Variants in SLC45A1 observed in about 807,000 individuals in gnomAD.
The protein encoded by SLC45A1 is solute carrier family 45 member 1.
In SLC45A1, 28 loss-of-function variants were observed where a neutral mutation model predicts 57.6. That is an observed-to-expected ratio of 0.49 (90% CI 0.36 to 0.67). The LOEUF is 0.67. Among genes scored for constraint, SLC45A1 ranks in the 30% least tolerant of loss-of-function variants. The probability of loss-of-function intolerance (pLI) is 0.00; values close to 1 mark genes in which losing one functional copy is unlikely to be tolerated. For synonymous variants in SLC45A1, 459 were observed against 471.5 expected (o/e 0.97, Z 0.34); for missense variants, 814 against 1,041.5 (o/e 0.78, Z 3.01).
At chr1:8,337,050 C>T (rs1022009361) in intron 6 of SLC45A1, among the ~76,000 whole-genome samples, 9 of 152,152 alleles carry the variant, frequency 5.9e-5, no homozygotes, top group African/African-American at 1.2e-4. Flanking sequence ...TCTGTTCTCA[C>T]GCTGCTAATA....
intron 7 of SLC45A1, among the ~76,000 whole-genome samples, chr1:8,339,178 C>T (rs1000577207): frequency 4.6e-5 from 7 of 152,334 alleles, no homozygotes; most frequent in Admixed American, 3.9e-4. Flanking sequence ...CCCTGAGCCC[C>T]TTTGGTGTCA....
chr1:8,326,938 C>T lies in SLC45A1; in HGVS notation c.715+896C>T, dbSNP rs1264765151. On this transcript the variant is annotated intron_variant, in intron 4 of 8. Coordinates refer to ENST00000471889, the MANE Select transcript of SLC45A1 (RefSeq NM_001080397.3). This position sits in a 1 kb window ranked among gnomAD's most constrained non-coding sequence, Gnocchi z 5.5. The stretch of plus-strand genomic sequence containing the variant: ...GAGGTTGCAGTGAACTGAGATCGCA[C>T]TATTGCACTCCAGCCTGGGCAACAA... Among the ~76,000 whole-genome samples, 2 of 152,228 alleles carry T rather than the reference C, an allele frequency of 1.3e-5. No individual in the cohort carries two copies. The highest frequency in any genetic ancestry group is 2.9e-5 in the Non-Finnish European group (2 of 68,036).
chr1:8,339,509 G>A lies in SLC45A1; in HGVS notation c.1791G>A (p.Leu597=), dbSNP rs778215399. The part of the protein sequence containing the change: ...AAFYSAILEK[L]EEFLSVRTLY... ...GGCCCGCAGCTATCCTGGAGAAGCT[G>A]GAGGAGTTCCTCAGCGTCCGCACCC... The change falls in exon 8 of 9, where the codon CTG becomes CTA. Residue 597 remains leucine (L), a synonymous_variant. Coordinates refer to ENST00000471889, the MANE Select transcript of SLC45A1 (RefSeq NM_001080397.3). 1 of 1,614,180 alleles carries A rather than the reference G, an allele frequency of 6.2e-7. No individual in the cohort carries two copies. Among genetic ancestry groups the A allele is most frequent in the South Asian group, 1.1e-5 (1 of 91,078 alleles).
chr1:8,321,626 T>A (rs1267677432), intron 1 of SLC45A1, among the ~76,000 whole-genome samples: 3 of 152,286 alleles, frequency 2.0e-5, no homozygotes, highest in Admixed American at 1.3e-4. Context: ...AGTACTCAGA[T>A]GAATTGGAGG....
In SLC45A1 at chr1:8,325,306, C is replaced by T. The variant is rs1403769302; in HGVS notation, c.406C>T (p.Leu136=). 1.2e-6 allele frequency: 2 copies of T among 1,613,230 alleles called. No homozygotes were observed. Among genetic ancestry groups the T allele is most frequent in the South Asian group, 2.2e-5 (2 of 91,046 alleles). ...GGCCTGCTCTGTTTCAGGATTCCTACTGCAGCCTCTGTTGGGTGCTTGGAG... is the reference window on the plus strand; with the variant it reads ...GGCCTGCTCTGTTTCAGGATTCCTATTGCAGCCTCTGTTGGGTGCTTGGAG... The part of the protein sequence containing the change: ...WFISPILGFL[L]QPLLGAWSDR... Residue 136 remains leucine, a synonymous_variant, in exon 3 of 9, where the codon CTG becomes TTG. Transcript: ENST00000471889. This position sits in a 1 kb window ranked among gnomAD's most constrained non-coding sequence, Gnocchi z 6.3.
At chr1:8,342,277 A>G (rs1385936710) in intron 8 of SLC45A1, among the ~76,000 whole-genome samples, 1 of 152,196 alleles carries the variant, frequency 6.6e-6, no homozygotes, top group Middle Eastern at 3.2e-3. Context: ...ATAGACTTTT[A>G]CCGGCTGTAT....
At chr1:8,341,427 C>T (rs1435735767) in intron 8 of SLC45A1, among the ~76,000 whole-genome samples, 26 of 149,892 alleles carry the variant, frequency 1.7e-4, no homozygotes, top group Admixed American at 3.3e-4. Context: ...CCCAGCTACA[C>T]GGGAGGCTGA....
In SLC45A1 at chr1:8,330,184, A is replaced by G. The variant is rs1025564135; in HGVS notation, c.716-25A>G. The G allele has an allele frequency of 1.4e-5, 22 of 1,604,606 alleles. No homozygotes were observed. The highest frequency in any genetic ancestry group is 1.8e-5 in the Non-Finnish European group (21 of 1,175,012). ...GGGGCTTCTCCTCCCGCAGAAGGGA[A>G]CTCAAACCCTGTCTCTTTCCCCAGG... On this transcript the variant is annotated intron_variant, in intron 4 of 8. Coordinates refer to ENST00000471889, the MANE Select transcript of SLC45A1 (RefSeq NM_001080397.3). This position sits in a 1 kb window ranked among gnomAD's most constrained non-coding sequence, Gnocchi z 8.4.
Position 8,328,960 on chromosome 1 carries a change from G to A in SLC45A1, c.716-1249G>A, listed in dbSNP as rs1285919441. 6.6e-6 allele frequency among the ~76,000 whole-genome samples: 1 copy of A among 152,150 alleles called. No individual in the cohort carries two copies. The highest frequency in any genetic ancestry group is 1.5e-5 in the Non-Finnish European group (1 of 68,028). ...GAAGGCAATTAGAATCATGAGTGTG[G>A]GAAGTCAAGAATAATAAAATGCCTG... On this transcript the variant is annotated intron_variant, in intron 4 of 8. Coordinates refer to ENST00000471889, the MANE Select transcript of SLC45A1 (RefSeq NM_001080397.3). The surrounding 1 kb of genome is among the most constrained non-coding windows in gnomAD (Gnocchi z 4.6).
rs908563340 is a variant in SLC45A1, at chr1:8,343,857, C to T, written c.2091C>T (p.Pro697=). 1 of 1,614,066 alleles carries T rather than the reference C, an allele frequency of 6.2e-7. No individual in the cohort carries two copies. The highest frequency in any genetic ancestry group is 1.3e-5 in the African/African-American group (1 of 74,920). ...TTCTGGTCTCCCTGGTCCTGGGGCC[C>T]CTGACCTCGGCCGTGGGCAGTGCCA... The part of the protein sequence containing the change: ...AQILVSLVLG[P]LTSAVGSANG... The change falls in exon 9 of 9, where the codon CCC becomes CCT. Residue 697 remains proline (P), a synonymous_variant. Transcript: ENST00000471889. This position sits in a 1 kb window ranked among gnomAD's most constrained non-coding sequence, Gnocchi z 7.7.
In SLC45A1 at chr1:8,339,523, G is replaced by A. The variant is rs368773863; in HGVS notation, c.1805G>A (p.Ser602Asn). 1 of 1,614,218 alleles carries A rather than the reference G, an allele frequency of 6.2e-7. No individual in the cohort carries two copies. Among genetic ancestry groups the A allele is most frequent in the East Asian group, 2.2e-5 (1 of 44,878 alleles). The change falls in exon 8 of 9, where the codon AGC becomes AAC. Residue 602 changes from serine (S) to asparagine (N), a missense_variant. By Grantham distance (46) the Ser-to-Asn change is conservative. Transcript: ENST00000471889. ...CTGGAGAAGCTGGAGGAGTTCCTCA[G>A]CGTCCGCACCCTCTACTTCATCGCC... ...AILEKLEEFL[S>N]VRTLYFIAYL...
chr1:8,329,687 C>G (rs1238606788), intron 4 of SLC45A1, among the ~76,000 whole-genome samples: 2 of 152,206 alleles, frequency 1.3e-5, no homozygotes, highest in African/African-American at 4.8e-5. Flanking sequence ...GCTGATAGCT[C>G]AGAGATCGGA....
At chr1:8,334,127 G>A (rs1330319673) in intron 5 of SLC45A1, among the ~76,000 whole-genome samples, 7 of 152,232 alleles carry the variant, frequency 4.6e-5, no homozygotes, top group African/African-American at 1.7e-4. Context: ...CGGTTGTTTA[G>A]GTGTGGTTGA....
At position 8,326,155 on chromosome 1, in the gene SLC45A1, C is replaced by T. The variant is rs1486271856; in HGVS notation, c.715+113C>T. Reference sequence around the variant, plus strand: ...TTTAACAAAGAAGCTGGGAGAATTCCAATACATGGAGAAACACTGAAGTGA... The same window carrying T: ...TTTAACAAAGAAGCTGGGAGAATTCTAATACATGGAGAAACACTGAAGTGA... On this transcript the variant is annotated intron_variant, in intron 4 of 8. Transcript: ENST00000471889. The surrounding 1 kb of genome is among the most constrained non-coding windows in gnomAD (Gnocchi z 5.5). 2.6e-6 allele frequency: 2 copies of T among 765,006 alleles called. No individual in the cohort carries two copies. Among genetic ancestry groups the T allele is most frequent in the Non-Finnish European group, 4.2e-6 (2 of 472,098 alleles). 47.4% of individuals were successfully genotyped at this position (765,006 alleles called of 1,614,324 possible).
chr1:8,332,737 C>A (rs1198582992), intron 5 of SLC45A1, among the ~76,000 whole-genome samples: 1 of 152,080 alleles, frequency 6.6e-6, no homozygotes, highest in Non-Finnish European at 1.5e-5. Flanking sequence ...TCTCGAACTC[C>A]TGGCCTCAAG....
chr1:8,330,429 G>T lies in SLC45A1; in HGVS notation c.936G>T (p.Pro312=), dbSNP rs750070749. The change falls in exon 5 of 9, where the codon CCG becomes CCT. Residue 312 remains proline (P), a synonymous_variant. Coordinates refer to ENST00000471889, the MANE Select transcript of SLC45A1 (RefSeq NM_001080397.3). The surrounding 1 kb of genome is among the most constrained non-coding windows in gnomAD (Gnocchi z 8.4). The part of the protein sequence containing the change: ...AMKSPSLPLP[P]SPPVLPEEGP... Reference sequence around the variant, plus strand: ...AGAGCCCCAGCCTCCCGCTGCCCCCGTCCCCACCCGTCCTGCCAGAGGAAG... The same window carrying T: ...AGAGCCCCAGCCTCCCGCTGCCCCCTTCCCCACCCGTCCTGCCAGAGGAAG... 6.2e-7 allele frequency: 1 copy of T among 1,611,106 alleles called. No individual in the cohort carries two copies. The highest frequency in any genetic ancestry group is 2.2e-5 in the East Asian group (1 of 44,808).
intron 6 of SLC45A1, 53 bp from the exon 7 acceptor site, chr1:8,337,763 G>T (rs967788669): frequency 6.5e-7 from 1 of 1,534,176 alleles, no homozygotes; most frequent in Non-Finnish European, 8.9e-7. Context: ...TTAGAGAAAG[G>T]GCAGAGTGTT....
At position 8,328,972 on chromosome 1, in the gene SLC45A1, T is replaced by C. The variant is rs1352195778; in HGVS notation, c.716-1237T>C. Reference sequence around the variant, plus strand: ...AATCATGAGTGTGGGAAGTCAAGAATAATAAAATGCCTGGGAGGGCAGTGG... The same window carrying C: ...AATCATGAGTGTGGGAAGTCAAGAACAATAAAATGCCTGGGAGGGCAGTGG... On this transcript the variant is annotated intron_variant, in intron 4 of 8. Coordinates refer to ENST00000471889, the MANE Select transcript of SLC45A1 (RefSeq NM_001080397.3). This position sits in a 1 kb window ranked among gnomAD's most constrained non-coding sequence, Gnocchi z 4.6. Among the ~76,000 whole-genome samples, 2 of 151,814 alleles carry C rather than the reference T, an allele frequency of 1.3e-5. No individual in the cohort carries two copies. The highest frequency in any genetic ancestry group is 4.8e-5 in the African/African-American group (2 of 41,318).
intron 8 of SLC45A1, among the ~76,000 whole-genome samples, chr1:8,342,080 G>T (rs998475875): frequency 7.2e-5 from 11 of 151,972 alleles, no homozygotes; most frequent in African/African-American, 1.2e-4. Context: ...GGTGGCGGGC[G>T]CCTGTAGTCC....
Sources: gnomAD v4.1 joint callset for allele counts (sites outside exome capture counted in the v4.1 genomes callset) on GRCh38, gnomAD v4.1.1 for gene constraint, Gnocchi (gnomAD v3.1) non-coding constraint, MANE v1.5 for transcripts, NCBI Gene and HGNC (gene_info 2026-07-23, HGNC 2026-07-21) for gene names.